FBXL17: variants seen among roughly 807,000 people sequenced by gnomAD.
FBXL17 encodes the protein F-box/LRR-repeat protein 17.
In FBXL17, 22 loss-of-function variants were observed where a neutral mutation model predicts 66.2. The ratio of observed to expected loss-of-function variants is 0.33; its 90% CI spans 0.24 to 0.47. The LOEUF is 0.47. Ranked by LOEUF, FBXL17 falls within the 20% of genes least tolerant of loss-of-function variation. FBXL17 has a pLI of 1.00. For missense variants in FBXL17, 878 were observed against 948.2 expected (o/e 0.93, Z 0.97); for synonymous variants, 474 against 400.5 (o/e 1.18, Z -2.19).
chr5:108,380,620 G>T (rs1749779882), intron 1 of FBXL17, 79 bp downstream of exon 1: 1 of 933,282 alleles, frequency 1.1e-6, no homozygotes, highest in Non-Finnish European at 1.4e-6. Context: ...GCGCTTAGGG[G>T]GAGGAGAGAG....
At chr5:108,089,903 C>G (rs796485737) in intron 6 of FBXL17, among the ~76,000 whole-genome samples, 16 of 152,252 alleles carry the variant, frequency 1.1e-4, no homozygotes, top group African/African-American at 3.9e-4. Context: ...ACACGGCTCA[C>G]TGTAGACTCG....
intron 4 of FBXL17, among the ~76,000 whole-genome samples, chr5:108,240,305 A>T (rs1755799411): frequency 6.6e-6 from 1 of 151,912 alleles, no homozygotes; most frequent in African/African-American, 2.4e-5. Context: ...TTCTATAACT[A>T]CCCTGAGCCA....
At chr5:108,344,182 G>GC (rs11404041) in intron 4 of FBXL17, among the ~76,000 whole-genome samples, 1 of 51,990 alleles carries the variant, frequency 1.9e-5, no homozygotes, top group East Asian at 4.8e-4. Flanking sequence ...CTAGGGGGTC[G>GC]GGGGGGAAAG....
intron 5 of FBXL17, among the ~76,000 whole-genome samples, chr5:108,223,556 A>AGCAGTAGAGATGACACATC (rs1166164024): frequency 3.3e-5 from 5 of 152,194 alleles, no homozygotes; most frequent in Non-Finnish European, 7.4e-5. Context: ...AGCTCTGGAA[A>AGCAGTAGAGATGACACATC]GCAGTAGAGA....
chr5:108,100,614 T>TC (rs1749563728), intron 6 of FBXL17, among the ~76,000 whole-genome samples: 1 of 152,222 alleles, frequency 6.6e-6, no homozygotes, highest in Non-Finnish European at 1.5e-5. Context: ...TAAAATATGC[T>TC]TTAGAAGAAC....
intron 4 of FBXL17, among the ~76,000 whole-genome samples, chr5:108,311,512 T>TA (rs900066789): frequency 2.0e-5 from 3 of 152,146 alleles, no homozygotes; most frequent in Non-Finnish European, 4.4e-5. Flanking sequence ...TCATGTTCTT[T>TA]ACTCTTAATA....
At chr5:108,296,014 G>C (rs956773345) in intron 4 of FBXL17, among the ~76,000 whole-genome samples, 1 of 149,474 alleles carries the variant, frequency 6.7e-6, no homozygotes, top group Non-Finnish European at 1.5e-5. Context: ...GGGTGGAACA[G>C]GGAAGAGATT....
chr5:108,228,087 C>T (rs1264563472), intron 4 of FBXL17, among the ~76,000 whole-genome samples: 1 of 152,126 alleles, frequency 6.6e-6, no homozygotes, highest in African/African-American at 2.4e-5. Flanking sequence ...TGAAAATGTG[C>T]TTCTTGGGTC....
At chr5:108,091,442 G>A (rs1302614930) in intron 6 of FBXL17, among the ~76,000 whole-genome samples, 3 of 152,138 alleles carry the variant, frequency 2.0e-5, no homozygotes, top group Admixed American at 6.5e-5. Context: ...TGTTGTGCAC[G>A]CACTTTGATT....
chr5:108,132,238 A>T (rs1324389705), intron 6 of FBXL17, among the ~76,000 whole-genome samples: 2 of 152,086 alleles, frequency 1.3e-5, no homozygotes, highest in East Asian at 3.9e-4. Flanking sequence ...AGCCTCCCAA[A>T]GTGTTGGGAT....
chr5:108,316,223 A>G (rs1316869540), intron 4 of FBXL17, among the ~76,000 whole-genome samples: 2 of 151,468 alleles, frequency 1.3e-5, no homozygotes, highest in African/African-American at 2.4e-5. Flanking sequence ...TCAAAGGAGA[A>G]AAAAAAACAG....
chr5:108,252,768 A>G (rs745590406), intron 4 of FBXL17, among the ~76,000 whole-genome samples: 14 of 152,164 alleles, frequency 9.2e-5, no homozygotes, highest in Non-Finnish European at 1.5e-4. Context: ...TACATACCAA[A>G]TTTCTCTGAC....
intron 6 of FBXL17, among the ~76,000 whole-genome samples, chr5:108,132,266 G>A (rs553345759): frequency 3.3e-5 from 5 of 152,234 alleles, no homozygotes; most frequent in South Asian, 2.1e-4. Flanking sequence ...ATGAGCCACC[G>A]TGCCCAGCCT....
intron 6 of FBXL17, among the ~76,000 whole-genome samples, chr5:108,072,606 G>T (rs549789307): frequency 2.8e-4 from 42 of 152,210 alleles, no homozygotes; most frequent in Non-Finnish European, 5.6e-4. Context: ...TACTTGGGAG[G>T]TTGAGGCAGG....
In FBXL17 at chr5:108,381,518, G is replaced by C. The variant is rs1175830001; in HGVS notation, c.174C>G (p.Pro58=). ...TGTGCACGATGAAGCAGAGCATGCA[G>C]GGCCCGCGGAAGAAGCAGTCCCGGC... ...PRSRDCFFRG[P]CMLCFIVHSP... Residue 58 remains proline (P), a synonymous_variant, in exon 1 of 9, where the codon CCC becomes CCG. Transcript: ENST00000542267. The C allele has an allele frequency of 1.6e-5, 23 of 1,412,366 alleles. No individual in the cohort carries two copies. The highest frequency in any genetic ancestry group is 2.0e-5 in the Non-Finnish European group (22 of 1,092,930). 87.5% of individuals were successfully genotyped at this position (1,412,366 alleles called of 1,614,324 possible).
At chr5:108,108,808 A>T (rs1253979859) in intron 6 of FBXL17, among the ~76,000 whole-genome samples, 72 of 143,782 alleles carry the variant, frequency 5.0e-4, no homozygotes, top group Non-Finnish European at 1.2e-4. Flanking sequence ...TTTGAGACAG[A>T]GTTTCGCTCT....
chr5:108,064,827 C>A (rs904551257), intron 6 of FBXL17, among the ~76,000 whole-genome samples: 1 of 152,150 alleles, frequency 6.6e-6, no homozygotes, highest in Non-Finnish European at 1.5e-5. Context: ...GGACAGCCTT[C>A]CTGCAGCTTC....
intron 6 of FBXL17, among the ~76,000 whole-genome samples, chr5:108,074,052 A>ACCTGG (rs1376727847): frequency 6.6e-6 from 1 of 152,088 alleles, no homozygotes; most frequent in Non-Finnish European, 1.5e-5. Context: ...TACCACCATT[A>ACCTGG]CCTGTTTTGG....
intron 2 of FBXL17, among the ~76,000 whole-genome samples, chr5:108,365,590 G>A (rs1427955144): frequency 6.6e-6 from 1 of 152,046 alleles, no homozygotes; most frequent in Non-Finnish European, 1.5e-5. Context: ...ATTTTCCAGA[G>A]TTCAGTGAAT....
Sources: gnomAD v4.1 joint callset for allele counts (sites outside exome capture counted in the v4.1 genomes callset) on GRCh38, gnomAD v4.1.1 for gene constraint, MANE v1.5 for transcripts, NCBI Gene and HGNC (gene_info 2026-07-23, HGNC 2026-07-21) for gene names.